Variants in LHCGR observed in about 807,000 individuals in gnomAD.
LHCGR encodes lutropin-choriogonadotropic hormone receptor.
LHCGR carries 55 observed loss-of-function variants against 60.7 expected under a neutral mutation model. That is an observed-to-expected ratio of 0.91 (90% confidence interval 0.73 to 1.13). The LOEUF (loss-of-function observed/expected upper bound fraction) is 1.13. Ranked by LOEUF, LHCGR falls within the 50% of genes most tolerant of loss-of-function variation. The probability of loss-of-function intolerance (pLI) is 0.00; values close to 1 mark genes in which losing one functional copy is unlikely to be tolerated. For missense variants in LHCGR, 862 were observed against 836.0 expected, an observed-to-expected ratio of 1.03 and a Z score of -0.38; for synonymous variants, 337 against 316.5, an observed-to-expected ratio of 1.06 and a Z score of -0.69.
rs142677188 is a variant in LHCGR, at chr2:48,698,690, G to A, written c.791C>T (p.Thr264Ile). Residue 264 changes from threonine (T) to isoleucine (I), a missense_variant, in exon 9 of 11, where the codon ACA becomes ATA. Coordinates refer to ENST00000294954, the MANE Select transcript of LHCGR (RefSeq NM_000233.4). ...YSLKKLPSRE[T>I]FVNLLEATLT... ...CGTGGCCTCCAGGAGATTGACAAAT[G>A]TTTCTCTTGATGGCAATTTTTTTAG... 9.3e-6 allele frequency: 15 copies of A among 1,613,998 alleles called. No homozygotes were observed. The African/African-American group carries it at 1.6e-4, about 17-fold the overall frequency.
rs776932005 is a variant in LHCGR, at chr2:48,694,235, A to G, written c.936T>C (p.Asn312=). 34 of 1,566,848 alleles carry G rather than the reference A, an allele frequency of 2.2e-5. No individual in the cohort carries two copies. In the South Asian group the frequency reaches 3.5e-4, roughly 16 times the overall value. ...ATGCAAATACTTACAGTGTTTTGTT[A>G]TTCACTTTCCTTACTGTGCTTTCAC... ...KQCESTVRKV[N]NKTLYSSMLA... Residue 312 remains asparagine (N), a synonymous_variant, in exon 10 of 11, where the codon AAT becomes AAC. Transcript: ENST00000294954.
intron 1 of LHCGR, among the ~76,000 whole-genome samples, chr2:48,741,388 G>C (rs1402772805): frequency 3.3e-5 from 5 of 152,092 alleles, no homozygotes; most frequent in Non-Finnish European, 7.3e-5. Flanking sequence ...ACACATAATT[G>C]TCAGATTCAC....
chr2:48,719,139 A>G (rs1668390621), intron 6 of LHCGR, among the ~76,000 whole-genome samples: 1 of 151,902 alleles, frequency 6.6e-6, no homozygotes, highest in Non-Finnish European at 1.5e-5. Flanking sequence ...TGGCTAACAC[A>G]GTGAAACTCC....
intron 8 of LHCGR, 29 bp from the exon 9 acceptor site, chr2:48,698,829 T>C (rs749969476): frequency 1.3e-6 from 2 of 1,555,154 alleles, no homozygotes; most frequent in Non-Finnish European, 1.7e-6. Context: ...AAATGCTTTT[T>C]ATTTATTTAT....
intron 2 of LHCGR, among the ~76,000 whole-genome samples, chr2:48,729,985 T>C (rs183950132): frequency 1.3e-5 from 2 of 152,328 alleles, no homozygotes; most frequent in Non-Finnish European, 2.9e-5. Context: ...AGTTTTGTCA[T>C]ATATGATTCG....
rs1416492987 is a variant in LHCGR, at chr2:48,730,036, C to A, written c.234-809G>T. On this transcript the variant is annotated intron_variant, in intron 2 of 10. Transcript: ENST00000294954. ...TGCCAATGTTACCCTAAAATCCCAA[C>A]ATACGCTACCATTTCCTGCCAGTTG... 2.6e-5 allele frequency among the ~76,000 whole-genome samples: 4 copies of A among 152,272 alleles called. No homozygotes were observed. In the East Asian group the frequency reaches 7.7e-4, roughly 29 times the overall value.
intron 1 of LHCGR, among the ~76,000 whole-genome samples, chr2:48,737,134 T>G (rs991324244): frequency 6.6e-6 from 1 of 152,220 alleles, no homozygotes; most frequent in African/African-American, 2.4e-5. Flanking sequence ...GCTTTTACTT[T>G]TCCTTCTGCC....
intron 1 of LHCGR, among the ~76,000 whole-genome samples, chr2:48,737,038 G>A (rs1186685589): frequency 2.0e-5 from 3 of 152,208 alleles, no homozygotes; most frequent in Non-Finnish European, 4.4e-5. Flanking sequence ...CTGAGGAGGT[G>A]CAGAGGGAGA....
intron 9 of LHCGR, among the ~76,000 whole-genome samples, chr2:48,697,901 C>T (rs568956900): frequency 6.6e-6 from 1 of 152,270 alleles, no homozygotes; most frequent in Admixed American, 6.5e-5. Context: ...TTAAGTATCA[C>T]TCAGCTTTAT....
At chr2:48,709,155 G>C (rs1418857304) in intron 7 of LHCGR, 133 bp from the exon 8 acceptor site, 1 of 733,146 alleles carries the variant, frequency 1.4e-6, no homozygotes, top group African/African-American at 1.7e-5. Context: ...GGTAAGTGGA[G>C]GGAAAGTGGG....
chr2:48,718,533 G>T lies in LHCGR; in HGVS notation c.537-4479C>A, dbSNP rs539586304. On this transcript the variant is annotated intron_variant, in intron 6 of 10. Coordinates refer to ENST00000294954, the MANE Select transcript of LHCGR (RefSeq NM_000233.4). The stretch of plus-strand genomic sequence containing the variant: ...TACAGATACTCAGGGTCTCAAAAAA[G>T]TGGACCCATTGCTAAAAGGCAAAGC... 1.4e-4 allele frequency among the ~76,000 whole-genome samples: 21 copies of T among 152,288 alleles called. 1 individual carries two copies. The East Asian group carries it at 3.9e-3, about 28-fold the overall frequency.
intron 1 of LHCGR, among the ~76,000 whole-genome samples, chr2:48,735,662 C>T (rs1669178755): frequency 6.6e-6 from 1 of 152,162 alleles, no homozygotes; most frequent in Non-Finnish European, 1.5e-5. Flanking sequence ...TTAGGACTAC[C>T]CAGTGGAGTT....
At chr2:48,729,822 C>A (rs1285302310) in intron 2 of LHCGR, among the ~76,000 whole-genome samples, 2 of 152,140 alleles carry the variant, frequency 1.3e-5, no homozygotes, top group African/African-American at 4.8e-5. Context: ...CACTTGTGAG[C>A]AAACTGAGGA....
intron 8 of LHCGR, among the ~76,000 whole-genome samples, chr2:48,701,017 T>A (rs1378002513): frequency 6.6e-6 from 1 of 151,402 alleles, no homozygotes; most frequent in South Asian, 2.1e-4. Context: ...AAGTCAGGAG[T>A]TGACAGTGGG....
At chr2:48,732,859 A>T (rs750981205) in intron 1 of LHCGR, 1 of 534,462 alleles carries the variant, frequency 1.9e-6, no homozygotes, top group Non-Finnish European at 3.8e-6. Context: ...TAGAGAAAGT[A>T]ATCCAACTTT....
intron 1 of LHCGR, among the ~76,000 whole-genome samples, chr2:48,745,843 T>G (rs1327767827): frequency 6.7e-6 from 1 of 149,980 alleles, no homozygotes; most frequent in African/African-American, 2.5e-5. Context: ...ACTTAAAGTA[T>G]AATAATAATA....
At chr2:48,733,302 T>G (rs1669087047) in intron 1 of LHCGR, among the ~76,000 whole-genome samples, 1 of 152,172 alleles carries the variant, frequency 6.6e-6, no homozygotes, top group Admixed American at 6.5e-5. Context: ...AGCCTCCTCC[T>G]CCAAATGGGA....
At chr2:48,703,050 G>T (rs1667490240) in intron 8 of LHCGR, among the ~76,000 whole-genome samples, 2 of 152,194 alleles carry the variant, frequency 1.3e-5, no homozygotes. Flanking sequence ...TCACAGGTCT[G>T]TTGGCTGAAC....
In LHCGR at chr2:48,755,467, G is replaced by T. The variant is rs762094314; in HGVS notation, c.161+44C>A. 26 of 1,250,460 alleles carry T rather than the reference G, an allele frequency of 2.1e-5. No homozygotes were observed. The South Asian group carries it at 3.0e-4, about 14-fold the overall frequency. 77.5% of individuals were successfully genotyped at this position (1,250,460 alleles called of 1,614,324 possible). A position where few individuals can be genotyped will look rare whatever the true frequency, so the allele number is the denominator to read the frequency against. On this transcript the variant is annotated intron_variant, in intron 1 of 10. Coordinates refer to ENST00000294954, the MANE Select transcript of LHCGR (RefSeq NM_000233.4). ...GGGAAGGTGGCATAGAGCGATGGAGGGTCCTGCATCAAGGGCGCCGCGACG... is the reference window on the plus strand; with the variant it reads ...GGGAAGGTGGCATAGAGCGATGGAGTGTCCTGCATCAAGGGCGCCGCGACG...
Sources: allele counts gnomAD v4.1 joint callset (sites outside exome capture counted in the v4.1 genomes callset), GRCh38; gene constraint gnomAD v4.1.1; transcripts MANE v1.5; gene names NCBI Gene and HGNC (gene_info 2026-07-23, HGNC 2026-07-21).